Variants in STXBP5L observed in about 807,000 individuals in gnomAD.
The protein encoded by STXBP5L is syntaxin-binding protein 5-like.
A neutral mutation model predicts 144.5 loss-of-function variants in STXBP5L; 65 were observed. The observed-to-expected ratio is 0.45, with a 90% CI of 0.37 to 0.55. The LOEUF (loss-of-function observed/expected upper bound fraction) is 0.55. Among genes scored for constraint, STXBP5L ranks in the 20% least tolerant of loss-of-function variants. STXBP5L has a pLI of 0.00. For missense variants in STXBP5L, 1,298 were observed against 1,405.5 expected, an observed-to-expected ratio of 0.92 and a Z score of 1.22; for synonymous variants, 505 against 469.6, an observed-to-expected ratio of 1.08 and a Z score of -0.97.
intron 5 of STXBP5L, among the ~76,000 whole-genome samples, chr3:121,046,142 T>C (rs1347922188): frequency 1.3e-5 from 2 of 152,196 alleles, no homozygotes; most frequent in African/African-American, 4.8e-5. Flanking sequence ...TTGTTTTCAG[T>C]TCTGTTTATG....
At chr3:121,223,658 A>T (rs1168943255) in intron 11 of STXBP5L, among the ~76,000 whole-genome samples, 2 of 152,188 alleles carry the variant, frequency 1.3e-5, no homozygotes, top group Non-Finnish European at 2.9e-5. Flanking sequence ...ACTTTTTAAA[A>T]TTTTGAGAAT....
At chr3:121,225,777 A>G (rs1473213418) in intron 11 of STXBP5L, among the ~76,000 whole-genome samples, 1 of 152,214 alleles carries the variant, frequency 6.6e-6, no homozygotes, top group Non-Finnish European at 1.5e-5. Context: ...CCAGAGGACT[A>G]GAGGTGGTAA....
At chr3:121,070,599 TTTC>T (rs1243767158) in intron 5 of STXBP5L, among the ~76,000 whole-genome samples, 1 of 152,166 alleles carries the variant, frequency 6.6e-6, no homozygotes, top group East Asian at 1.9e-4. Context: ...CAGTTAGCTA[TTTC>T]TTCTTGAGTG....
At chr3:121,246,969 G>C (rs1301446379) in intron 14 of STXBP5L, among the ~76,000 whole-genome samples, 2 of 152,126 alleles carry the variant, frequency 1.3e-5, no homozygotes, top group African/African-American at 4.8e-5. Flanking sequence ...ACTTTTTGGG[G>C]TAATGGAAAT....
chr3:121,172,349 TAAAAG>T (rs1559821970), intron 9 of STXBP5L, among the ~76,000 whole-genome samples: 3 of 152,002 alleles, frequency 2.0e-5, no homozygotes, highest in African/African-American at 7.2e-5. Flanking sequence ...TCTAATTAAA[TAAAAG>T]GGCTTCTGCA....
chr3:121,212,329 A>T (rs1039433884), intron 10 of STXBP5L, among the ~76,000 whole-genome samples: 1 of 152,112 alleles, frequency 6.6e-6, no homozygotes, highest in African/African-American at 2.4e-5. Flanking sequence ...GTTTTCTTCT[A>T]GGGTTTTATG....
intron 19 of STXBP5L, among the ~76,000 whole-genome samples, chr3:121,302,903 C>T (rs551515005): frequency 1.3e-5 from 2 of 152,128 alleles, no homozygotes; most frequent in Admixed American, 6.5e-5. Flanking sequence ...AAGACTTAAA[C>T]ATTAGACCTA....
intron 2 of STXBP5L, among the ~76,000 whole-genome samples, chr3:120,921,588 T>G (rs912866491): frequency 1.3e-5 from 2 of 152,038 alleles, no homozygotes; most frequent in African/African-American, 4.8e-5. Flanking sequence ...CATTTTCTTC[T>G]AGTAGATTCA....
At chr3:121,395,073 C>T (rs796457403) in intron 22 of STXBP5L, among the ~76,000 whole-genome samples, 8 of 152,156 alleles carry the variant, frequency 5.3e-5, no homozygotes, top group African/African-American at 1.7e-4. Context: ...TATTATCATT[C>T]TTTGTGAAAA....
intron 26 of STXBP5L, among the ~76,000 whole-genome samples, chr3:121,418,824 A>G (rs1051243730): frequency 6.6e-6 from 1 of 152,136 alleles, no homozygotes; most frequent in Admixed American, 6.6e-5. Context: ...TGGGATCCAC[A>G]TCCTCCATTT....
At chr3:121,322,965 GAT>G (rs2044025578) in intron 20 of STXBP5L, among the ~76,000 whole-genome samples, 1 of 152,070 alleles carries the variant, frequency 6.6e-6, no homozygotes, top group Admixed American at 6.6e-5. Flanking sequence ...AGCACTTTTT[GAT>G]ATGTTTGTTG....
At chr3:121,064,836 C>A (rs1215694297) in intron 5 of STXBP5L, among the ~76,000 whole-genome samples, 1 of 152,230 alleles carries the variant, frequency 6.6e-6, no homozygotes, top group South Asian at 2.1e-4. Flanking sequence ...TGGATCCTGT[C>A]GCCCAGGTGG....
At chr3:121,053,324 C>G (rs934020307) in intron 5 of STXBP5L, among the ~76,000 whole-genome samples, 2 of 152,216 alleles carry the variant, frequency 1.3e-5, no homozygotes, top group African/African-American at 4.8e-5. Context: ...AGGCATCACA[C>G]TCCCTGATTT....
chr3:121,073,140 C>T (rs934088840), intron 5 of STXBP5L, among the ~76,000 whole-genome samples: 4 of 152,166 alleles, frequency 2.6e-5, no homozygotes, highest in Admixed American at 6.5e-5. Context: ...AGGGCTAGTC[C>T]GTTAAGTTTT....
At chr3:121,220,357 A>AT (rs1235777185) in intron 10 of STXBP5L, among the ~76,000 whole-genome samples, 1 of 152,092 alleles carries the variant, frequency 6.6e-6, no homozygotes, top group Non-Finnish European at 1.5e-5. Context: ...GTATATGGTC[A>AT]TTTATTTCTT....
intron 22 of STXBP5L, among the ~76,000 whole-genome samples, chr3:121,386,657 G>C (rs982923352): frequency 6.6e-6 from 1 of 152,042 alleles, no homozygotes; most frequent in Admixed American, 6.6e-5. Context: ...GCAGTGTTTG[G>C]TTTTCTGTCC....
chr3:121,006,419 A>T (rs893973936), intron 3 of STXBP5L, among the ~76,000 whole-genome samples: 7 of 151,898 alleles, frequency 4.6e-5, no homozygotes, highest in Non-Finnish European at 1.0e-4. Flanking sequence ...ATCTTCCTCC[A>T]TCCCTTTATT....
intron 10 of STXBP5L, among the ~76,000 whole-genome samples, chr3:121,211,392 C>T (rs1413953008): frequency 2.0e-5 from 3 of 152,062 alleles, no homozygotes; most frequent in African/African-American, 7.2e-5. Flanking sequence ...ATTTGACTTC[C>T]TCTTTTCCCA....
intron 5 of STXBP5L, among the ~76,000 whole-genome samples, chr3:121,095,258 T>G (rs1032822192): frequency 6.6e-6 from 1 of 152,206 alleles, no homozygotes; most frequent in Non-Finnish European, 1.5e-5. Flanking sequence ...CTGACACTTA[T>G]GTGTCTTGGA....
Sources: allele counts gnomAD v4.1 joint callset (sites outside exome capture counted in the v4.1 genomes callset), GRCh38; gene constraint gnomAD v4.1.1; transcripts MANE v1.5; gene names NCBI Gene and HGNC (gene_info 2026-07-23, HGNC 2026-07-21).